Variants in HS6ST3 observed in about 807,000 individuals in gnomAD.
HS6ST3 encodes the protein heparan-sulfate 6-O-sulfotransferase 3.
HS6ST3 carries 12 observed loss-of-function variants against 36.7 expected under a neutral mutation model. That is an observed-to-expected ratio of 0.33 (90% CI 0.21 to 0.53). The LOEUF is 0.53. Ranked by LOEUF, HS6ST3 falls within the 20% of genes least tolerant of loss-of-function variation. HS6ST3 has a pLI of 0.95. For missense variants in HS6ST3, 584 were observed against 640.9 expected, an observed-to-expected ratio of 0.91 and a Z score of 0.96; for synonymous variants, 240 against 257.5, an observed-to-expected ratio of 0.93 and a Z score of 0.65.
chr13:96,728,939 A>G (rs923970258), intron 1 of HS6ST3, among the ~76,000 whole-genome samples: 4 of 152,202 alleles, frequency 2.6e-5, no homozygotes, highest in African/African-American at 9.7e-5. Context: ...AGTTTGCTTC[A>G]TATCAAATTG....
chr13:96,448,722 C>T (rs2055711625), intron 1 of HS6ST3, among the ~76,000 whole-genome samples: 1 of 152,028 alleles, frequency 6.6e-6, no homozygotes, highest in African/African-American at 2.4e-5. Flanking sequence ...CCTGGGGACC[C>T]CTCCTACCTA....
At chr13:96,536,942 C>T (rs539889428) in intron 1 of HS6ST3, among the ~76,000 whole-genome samples, 1 of 152,246 alleles carries the variant, frequency 6.6e-6, no homozygotes, top group East Asian at 1.9e-4. Context: ...TTTGAATAGT[C>T]ATTATTTAAA....
chr13:96,364,939 A>T (rs1162713132), intron 1 of HS6ST3, among the ~76,000 whole-genome samples: 1 of 152,208 alleles, frequency 6.6e-6, no homozygotes, highest in Non-Finnish European at 1.5e-5. Context: ...TTTAAAATTC[A>T]TTTATGATCT....
chr13:96,548,244 C>T (rs1384325619), intron 1 of HS6ST3, among the ~76,000 whole-genome samples: 1 of 152,112 alleles, frequency 6.6e-6, no homozygotes, highest in Non-Finnish European at 1.5e-5. Context: ...CAGACTCTTC[C>T]TCCTTCAGTA....
intron 1 of HS6ST3, among the ~76,000 whole-genome samples, chr13:96,240,073 G>T (rs1448451371): frequency 6.6e-6 from 1 of 152,120 alleles, no homozygotes; most frequent in African/African-American, 2.4e-5. Context: ...TGGGGTCAGG[G>T]AGTGGTGAAT....
At chr13:96,404,178 G>C (rs1423324105) in intron 1 of HS6ST3, among the ~76,000 whole-genome samples, 1 of 152,086 alleles carries the variant, frequency 6.6e-6, no homozygotes, top group Non-Finnish European at 1.5e-5. Context: ...TAGAAGACTG[G>C]GGAAGTTATC....
chr13:96,260,647 C>CTT (rs566249281), intron 1 of HS6ST3, among the ~76,000 whole-genome samples: 1 of 139,492 alleles, frequency 7.2e-6, no homozygotes, highest in African/African-American at 2.6e-5. Context: ...TTTTTCTTTT[C>CTT]TTTTTTTTTT....
intron 1 of HS6ST3, among the ~76,000 whole-genome samples, chr13:96,827,162 G>A (rs181481501): frequency 6.6e-6 from 1 of 152,172 alleles, no homozygotes; most frequent in Non-Finnish European, 1.5e-5. Context: ...GGGTGCCTAA[G>A]ATCTCCTTGA....
At chr13:96,566,816 A>G (rs1424952706) in intron 1 of HS6ST3, among the ~76,000 whole-genome samples, 2 of 152,214 alleles carry the variant, frequency 1.3e-5, no homozygotes, top group African/African-American at 2.4e-5. Context: ...AACCACAAGC[A>G]TGTCAAAAGC....
Position 96,293,346 on chromosome 13 carries a change from T to C in HS6ST3, c.707+201777T>C, listed in dbSNP as rs372967879. Among the ~76,000 whole-genome samples, 15 of 152,248 alleles carry C rather than the reference T, an allele frequency of 9.9e-5. No individual in the cohort carries two copies. In the East Asian group the frequency reaches 2.9e-3, roughly 29 times the overall value. ...GCCATAAGTGGATTAATCACTTAGT[T>C]TGATATATCCAATTACCCATTTGAT... On this transcript the variant is annotated intron_variant, in intron 1 of 1. Coordinates refer to ENST00000376705, the MANE Select transcript of HS6ST3 (RefSeq NM_153456.4).
intron 1 of HS6ST3, among the ~76,000 whole-genome samples, chr13:96,109,904 G>A (rs2053859804): frequency 6.6e-6 from 1 of 152,188 alleles, no homozygotes; most frequent in Admixed American, 6.5e-5. Flanking sequence ...ATAAAAAGGT[G>A]AATCAGATAT....
At chr13:96,269,115 G>C (rs2054707074) in intron 1 of HS6ST3, among the ~76,000 whole-genome samples, 4 of 151,926 alleles carry the variant, frequency 2.6e-5, no homozygotes, top group Admixed American at 2.6e-4. Flanking sequence ...CAATGGCTCA[G>C]AACTCATTGA....
At chr13:96,578,659 A>G (rs1436423269) in intron 1 of HS6ST3, among the ~76,000 whole-genome samples, 1 of 152,130 alleles carries the variant, frequency 6.6e-6, no homozygotes, top group Non-Finnish European at 1.5e-5. Flanking sequence ...TTTCCGGGTC[A>G]AGCGGTTCTC....
At chr13:96,589,169 G>A (rs2056373867) in intron 1 of HS6ST3, among the ~76,000 whole-genome samples, 1 of 151,938 alleles carries the variant, frequency 6.6e-6, no homozygotes, top group Non-Finnish European at 1.5e-5. Context: ...AAAGCCACCA[G>A]GTCCTGGGCT....
At chr13:96,486,187 C>T (rs1212276172) in intron 1 of HS6ST3, among the ~76,000 whole-genome samples, 4 of 152,210 alleles carry the variant, frequency 2.6e-5, no homozygotes, top group Middle Eastern at 3.4e-3. Context: ...CTACAAAGGA[C>T]ATGAACTCAT....
At chr13:96,807,496 C>T (rs746344404) in intron 1 of HS6ST3, among the ~76,000 whole-genome samples, 7 of 151,988 alleles carry the variant, frequency 4.6e-5, no homozygotes, top group East Asian at 3.9e-4. Context: ...CCATATGAAA[C>T]GAAGGCAGAG....
At chr13:96,590,641 G>C (rs938844954) in intron 1 of HS6ST3, among the ~76,000 whole-genome samples, 1 of 151,936 alleles carries the variant, frequency 6.6e-6, no homozygotes, top group Non-Finnish European at 1.5e-5. Flanking sequence ...TCTTTGGGTT[G>C]TCTCTTCACT....
chr13:96,108,315 A>G (rs2139298645), intron 1 of HS6ST3, among the ~76,000 whole-genome samples: 1 of 152,296 alleles, frequency 6.6e-6, no homozygotes, highest in Middle Eastern at 3.4e-3. Context: ...GGCGAATTCT[A>G]GTCAGACCGG....
chr13:96,168,890 C>T (rs1266408714), intron 1 of HS6ST3, among the ~76,000 whole-genome samples: 1 of 151,924 alleles, frequency 6.6e-6, no homozygotes, highest in African/African-American at 2.4e-5. Flanking sequence ...AACATTGTAC[C>T]AAATAGATAA....
Sources: allele counts gnomAD v4.1 joint callset (sites outside exome capture counted in the v4.1 genomes callset), GRCh38; gene constraint gnomAD v4.1.1; transcripts MANE v1.5; gene names NCBI Gene and HGNC (gene_info 2026-07-23, HGNC 2026-07-21).